The following UPB1 variants were observed in gnomAD, a reference collection of about 807,000 sequenced individuals.
UPB1 encodes beta-ureidopropionase 1.
Under a neutral mutation model 49.1 loss-of-function variants are expected in UPB1, and 40 were observed. The ratio of observed to expected loss-of-function variants is 0.81; its 90% confidence interval spans 0.63 to 1.06. The LOEUF (loss-of-function observed/expected upper bound fraction) is 1.06. Ranked by LOEUF, UPB1 falls within the 50% of genes least tolerant of loss-of-function variation. UPB1 has a pLI of 0.00. For missense variants in UPB1, 499 were observed against 505.9 expected, an observed-to-expected ratio of 0.99 and a Z score of 0.13; for synonymous variants, 207 against 198.2, an observed-to-expected ratio of 1.04 and a Z score of -0.38.
At position 24,523,607 on chromosome 22, in the gene UPB1, G is replaced by A. The variant is rs1279745684; in HGVS notation, c.917-12G>A. 1.2e-6 allele frequency: 2 copies of A among 1,614,176 alleles called. No homozygotes were observed. Among genetic ancestry groups the A allele is most frequent in the Non-Finnish European group, 8.5e-7 (1 of 1,180,036 alleles). On this transcript the variant is annotated splice_polypyrimidine_tract_variant and intron_variant, in intron 8 of 9. Transcript: ENST00000326010. The stretch of plus-strand genomic sequence containing the variant: ...CACAAGCTCACAGATGTGTTTCTTT[G>A]TTCCTTTAAAGCTCACCAGGACTTT...
In UPB1 at chr22:24,513,374, C is replaced by G; in HGVS notation, c.510C>G (p.Asp170Glu). 6.2e-7 allele frequency: 1 copy of G among 1,614,212 alleles called. No individual in the cohort carries two copies. The highest frequency in any genetic ancestry group is 8.5e-7 in the Non-Finnish European group (1 of 1,180,042). Residue 170 changes from aspartate (D) to glutamate (E), a missense_variant, in exon 5 of 10, where the codon GAC (aspartate) becomes GAG (glutamate). Asp to Glu is a conservative substitution (Grantham distance 45, BLOSUM62 2). Coordinates refer to ENST00000326010, the MANE Select transcript of UPB1 (RefSeq NM_016327.3). ...TGGTGTCTCCCATCCTGGAACGAGA[C>G]AGCGAGCATGGGGATGTTTTGTGGA... ...MVVVSPILER[D>E]SEHGDVLWNT...
intron 2 of UPB1, 148 bp from the exon 3 acceptor site, chr22:24,501,978 C>A: frequency 1.3e-6 from 1 of 768,608 alleles, no homozygotes; most frequent in Non-Finnish European, 2.3e-6. Context: ...TTTTGGACAT[C>A]AGGAGATAAC....
Position 24,526,248 on chromosome 22 carries a change from AGGC to A in UPB1, c.*455_*457del. On this transcript the variant is annotated 3_prime_UTR_variant, in exon 10 of 10. Coordinates refer to ENST00000326010, the MANE Select transcript of UPB1 (RefSeq NM_016327.3). Reference sequence around the variant, plus strand: ...GGTCTTTGGATGTGTCAGCTTAGCTAGGCCACAGTCACCAGTAATTCAATCAGA... The same window carrying A: ...GGTCTTTGGATGTGTCAGCTTAGCTACACAGTCACCAGTAATTCAATCAGA... The A allele has an allele frequency of 3.9e-5, 10 of 257,636 alleles. No individual in the cohort carries two copies. Among genetic ancestry groups the A allele is most frequent in the East Asian group, 2.0e-4 (2 of 10,186 alleles). The allele number at this position is 257,636 out of a possible 1,614,324, so 16.0% of individuals were successfully genotyped here.
chr22:24,497,053 C>G (rs1015011), intron 1 of UPB1, among the ~76,000 whole-genome samples: 17,138 of 152,140 alleles, frequency 0.11, 1,222 homozygotes, highest in African/African-American at 0.19. Flanking sequence ...TTCTCTCCCC[C>G]CTATCTCCCT....
rs1443875517 is a variant in UPB1 at position 24,525,974 on chromosome 22, C to G, written c.*180C>G. The G allele has an allele frequency of 1.4e-6, 1 of 698,614 alleles. No individual in the cohort carries two copies. Among genetic ancestry groups the G allele is most frequent in the Non-Finnish European group, 2.5e-6 (1 of 397,746 alleles). 43.3% of individuals were successfully genotyped at this position (698,614 alleles called of 1,614,324 possible). On this transcript the variant is annotated 3_prime_UTR_variant, in exon 10 of 10. Coordinates refer to ENST00000326010, the MANE Select transcript of UPB1 (RefSeq NM_016327.3). ...TTCTTAATGGGTAAGGGGCTGCTTA[C>G]TTCTGGGGTATTGGAAATGTTTGGG...
At chr22:24,496,467 C>G (rs2043889106) in intron 1 of UPB1, among the ~76,000 whole-genome samples, 1 of 151,820 alleles carries the variant, frequency 6.6e-6, no homozygotes, top group African/African-American at 2.4e-5. Context: ...CCCGGATGAT[C>G]TTATCTTGAG....
At chr22:24,520,903 C>T (rs1658207259) in intron 7 of UPB1, among the ~76,000 whole-genome samples, 1 of 152,130 alleles carries the variant, frequency 6.6e-6, no homozygotes, top group African/African-American at 2.4e-5. Flanking sequence ...GATGTTTTGG[C>T]TGGGTTTGGT....
chr22:24,509,681 G>A (rs1324968533), intron 3 of UPB1, among the ~76,000 whole-genome samples: 1 of 152,182 alleles, frequency 6.6e-6, no homozygotes, highest in African/African-American at 2.4e-5. Flanking sequence ...CCAACAGCAT[G>A]AGATCTGCTG....
intron 6 of UPB1, chr22:24,516,629 G>A (rs2044298970): frequency 6.6e-6 from 1 of 152,248 alleles, no homozygotes; most frequent in African/African-American, 2.4e-5. Context: ...TGGGTGGGGA[G>A]CAGGGGGAGT....
intron 4 of UPB1, 130 bp from the exon 5 acceptor site, chr22:24,513,194 G>T: frequency 7.6e-7 from 1 of 1,317,980 alleles, no homozygotes. Context: ...GGTATTTAGT[G>T]TTCCAAACAA....
intron 1 of UPB1, among the ~76,000 whole-genome samples, chr22:24,496,959 C>T (rs959835915): frequency 1.3e-5 from 2 of 152,070 alleles, no homozygotes; most frequent in Non-Finnish European, 2.9e-5. Context: ...TGTGGAAGCT[C>T]CCTAGGCAGC....
rs529975084 is a variant in UPB1, at chr22:24,500,654, C to T, written c.276+376C>T. On this transcript the variant is annotated intron_variant, in intron 2 of 9. Coordinates refer to ENST00000326010, the MANE Select transcript of UPB1 (RefSeq NM_016327.3). ...CACACGCTGGTTGGGACCGTCTGTC[C>T]GTGTGTTCTTCTGCCTTAATCCTCA... Among the ~76,000 whole-genome samples, 10 of 152,354 alleles carry T rather than the reference C, an allele frequency of 6.6e-5. No individual in the cohort carries two copies. In the South Asian group the frequency reaches 8.3e-4, roughly 13 times the overall value.
chr22:24,512,458 T>G (rs2044223063), intron 4 of UPB1, among the ~76,000 whole-genome samples: 1 of 152,226 alleles, frequency 6.6e-6, no homozygotes. Context: ...TGTTCTTACT[T>G]GAGACAAAAG....
chr22:24,509,278 A>C (rs1255185122), intron 3 of UPB1, among the ~76,000 whole-genome samples: 1 of 147,374 alleles, frequency 6.8e-6, no homozygotes, highest in Non-Finnish European at 1.5e-5. Flanking sequence ...CATCCCCTGC[A>C]TAGGAGACTG....
At chr22:24,502,082 T>G in intron 2 of UPB1, 44 bp from the exon 3 acceptor site, 1 of 1,606,574 alleles carries the variant, frequency 6.2e-7, no homozygotes, top group Non-Finnish European at 8.5e-7. Context: ...AAAATTGCCT[T>G]ACCAATAGAA....
intron 2 of UPB1, among the ~76,000 whole-genome samples, chr22:24,501,191 A>C (rs927855392): frequency 1.3e-5 from 2 of 152,166 alleles, no homozygotes; most frequent in African/African-American, 4.8e-5. Flanking sequence ...CACCAAGCAA[A>C]TGTGTGTTTG....
intron 7 of UPB1, among the ~76,000 whole-genome samples, chr22:24,521,177 G>A (rs576452573): frequency 1.7e-3 from 109 of 65,656 alleles, no homozygotes; most frequent in Admixed American, 5.0e-3. Flanking sequence ...GTGAGACTCT[G>A]TCAAAAAAAA....
At chr22:24,516,726 CT>C (rs869068860) in intron 6 of UPB1, 116 of 146,454 alleles carry the variant, frequency 7.9e-4, no homozygotes, top group South Asian at 2.4e-3. Flanking sequence ...TGAATTTCTT[CT>C]TTTTTTTTTT....
At chr22:24,517,916 G>A (rs1225037896) in intron 6 of UPB1, among the ~76,000 whole-genome samples, 1 of 152,234 alleles carries the variant, frequency 6.6e-6, no homozygotes, top group Non-Finnish European at 1.5e-5. Context: ...TGTAATCCCA[G>A]CCCTTTGGGA....
Sources: gnomAD v4.1 joint callset for allele counts (sites outside exome capture counted in the v4.1 genomes callset) on GRCh38, gnomAD v4.1.1 for gene constraint, MANE v1.5 for transcripts, NCBI Gene and HGNC (gene_info 2026-07-23, HGNC 2026-07-21) for gene names.